The following LHX2 variants were observed in gnomAD, a reference collection of about 807,000 sequenced individuals.
The protein encoded by LHX2 is LIM homeobox 2.
A neutral mutation model predicts 33.0 loss-of-function variants in LHX2; 6 were observed. That is an observed-to-expected ratio of 0.18 (90% CI 0.10 to 0.36). LHX2 has a LOEUF of 0.36. Among genes scored for constraint, LHX2 ranks in the 10% least tolerant of loss-of-function variants. The pLI is 1.00. For missense variants in LHX2, 442 were observed against 586.2 expected (o/e 0.75, Z 2.54); for synonymous variants, 292 against 253.1 (o/e 1.15, Z -1.46).
rs1859155409 is a variant in LHX2 at position 124,014,760 on chromosome 9, C to T, written c.324-362C>T. 6.6e-6 allele frequency among the ~76,000 whole-genome samples: 1 copy of T among 152,070 alleles called. No homozygotes were observed. The highest frequency in any genetic ancestry group is 1.5e-5 in the Non-Finnish European group (1 of 68,024). On this transcript the variant is annotated intron_variant, in intron 2 of 4. Coordinates refer to ENST00000373615, the MANE Select transcript of LHX2 (RefSeq NM_004789.4). The surrounding 1 kb of genome is among the most constrained non-coding windows in gnomAD (Gnocchi z 4.8). ...CTCTTTCCCTGTCTCTGTGTTTCTT[C>T]CAAATTATAAAAGTCAGTAGGATTC...
chr9:124,020,032 C>T (rs1859265407), intron 3 of LHX2, among the ~76,000 whole-genome samples: 1 of 152,184 alleles, frequency 6.6e-6, no homozygotes, highest in Admixed American at 6.5e-5. Context: ...CTCCTCCCTT[C>T]GTGGTGTAGT....
At chr9:124,022,840 C>A (rs1485153601) in intron 4 of LHX2, among the ~76,000 whole-genome samples, 1 of 152,238 alleles carries the variant, frequency 6.6e-6, no homozygotes, top group African/African-American at 2.4e-5. Flanking sequence ...TTGAGCAGCG[C>A]TGCCCACGGG....
At chr9:124,017,103 C>T (rs781248023) in intron 3 of LHX2, among the ~76,000 whole-genome samples, 1 of 152,216 alleles carries the variant, frequency 6.6e-6, no homozygotes, top group South Asian at 2.1e-4. Context: ...TTTGCCCCAG[C>T]GAGGTGGGCT....
chr9:124,028,566 G>A (rs976905580), intron 4 of LHX2, among the ~76,000 whole-genome samples: 9 of 152,192 alleles, frequency 5.9e-5, no homozygotes, highest in African/African-American at 2.2e-4. Flanking sequence ...CCAGAGGTGA[G>A]GGACAAACCC....
chr9:124,025,250 G>A (rs1285906480), intron 4 of LHX2, among the ~76,000 whole-genome samples: 2 of 152,064 alleles, frequency 1.3e-5, no homozygotes, highest in African/African-American at 2.4e-5. Flanking sequence ...AAACCATCCT[G>A]GCTAACACAG....
chr9:124,016,057 C>T lies in LHX2; in HGVS notation c.727+532C>T, dbSNP rs1319267406. On this transcript the variant is annotated intron_variant, in intron 3 of 4. Coordinates refer to ENST00000373615, the MANE Select transcript of LHX2 (RefSeq NM_004789.4). The surrounding 1 kb of genome is among the most constrained non-coding windows in gnomAD (Gnocchi z 4.4). ...CTCGGGCTTGGGGAACTCAGGAAAG[C>T]AAAGGCTGCGGTTCCTTTTGCTCGG... Among the ~76,000 whole-genome samples, 1 of 152,254 alleles carries T rather than the reference C, an allele frequency of 6.6e-6. No individual in the cohort carries two copies. Among genetic ancestry groups the T allele is most frequent in the Non-Finnish European group, 1.5e-5 (1 of 68,046 alleles).
chr9:124,017,103 C>A (rs781248023), intron 3 of LHX2, among the ~76,000 whole-genome samples: 5 of 152,216 alleles, frequency 3.3e-5, no homozygotes, highest in Non-Finnish European at 5.9e-5. Context: ...TTTGCCCCAG[C>A]GAGGTGGGCT....
chr9:124,024,016 T>C (rs1047841384), intron 4 of LHX2, among the ~76,000 whole-genome samples: 3 of 152,194 alleles, frequency 2.0e-5, no homozygotes, highest in African/African-American at 7.2e-5. Flanking sequence ...TCACACTTTA[T>C]AGTTACCTGC....
chr9:124,032,500 C>G lies in LHX2; in HGVS notation c.1014C>G (p.Asp338Glu). Residue 338 changes from aspartate (D) to glutamate (E), a missense_variant, in exon 5 of 5, where the codon GAC becomes GAG. Asp to Glu is a conservative substitution (Grantham distance 45). This residue lies in a region of LHX2 where 109 missense variants were observed against 98.7 expected (regional missense o/e 1.10). Transcript: ENST00000373615. The surrounding 1 kb of genome is among the most constrained non-coding windows in gnomAD (Gnocchi z 4.1). ...QENTGVDKST[D>E]AALQTGTPSG... Reference sequence around the variant, plus strand: ...ACACGGGCGTGGACAAGTCGACAGACGCGGCGCTGCAGACAGGGACGCCAT... The same window carrying G: ...ACACGGGCGTGGACAAGTCGACAGAGGCGGCGCTGCAGACAGGGACGCCAT... 1 of 1,613,044 alleles carries G rather than the reference C, an allele frequency of 6.2e-7. No homozygotes were observed. The highest frequency in any genetic ancestry group is 8.5e-7 in the Non-Finnish European group (1 of 1,179,960).
Position 124,032,330 on chromosome 9 carries a change from C to T in LHX2, c.934-90C>T. On this transcript the variant is annotated intron_variant, in intron 4 of 4. Coordinates refer to ENST00000373615, the MANE Select transcript of LHX2 (RefSeq NM_004789.4). The surrounding 1 kb of genome is among the most constrained non-coding windows in gnomAD (Gnocchi z 4.1). ...CTCTTGGCAAAACACAGATCAGCGT[C>T]CCCAGAGGCAGCAGAGCTCTGAGTG... 7.1e-7 allele frequency: 1 copy of T among 1,406,526 alleles called. No individual in the cohort carries two copies. 87.1% of individuals were successfully genotyped at this position (1,406,526 alleles called of 1,614,324 possible). A position where few individuals can be genotyped will look rare whatever the true frequency, so the allele number is the denominator to read the frequency against.
At position 124,015,376 on chromosome 9, in the gene LHX2, C is replaced by T. The variant is rs1178079328; in HGVS notation, c.578C>T (p.Ala193Val). 5.0e-6 allele frequency: 8 copies of T among 1,609,752 alleles called. No individual in the cohort carries two copies. The Admixed American group carries it at 5.0e-5, about 10-fold the overall frequency. The change falls in exon 3 of 5, where the codon GCC becomes GTC. Residue 193 changes from alanine to valine, a missense_variant. This residue lies in a region of LHX2 where 132 missense variants were observed against 139.1 expected (regional missense o/e 0.95). Transcript: ENST00000373615. This position sits in a 1 kb window ranked among gnomAD's most constrained non-coding sequence, Gnocchi z 7.9. ...GACGTGGCAGCGGCGGCCGCTGCAG[C>T]CGCGGCGGCCAAGAGCGCGGGGCTG... ...HADVAAAAAA[A>V]AAAKSAGLGA... is the part of the protein sequence containing the mutation.
rs949303951 is a variant in LHX2, at chr9:124,016,154, G to T, written c.727+629G>T. Among the ~76,000 whole-genome samples, 1 of 152,180 alleles carries T rather than the reference G, an allele frequency of 6.6e-6. No individual in the cohort carries two copies. Among genetic ancestry groups the T allele is most frequent in the Non-Finnish European group, 1.5e-5 (1 of 68,018 alleles). ...CTCCGAGTTTCCTGGCGCCTGCTGG[G>T]GTGAGGGCCGTGACCCTCGGAAGCG... On this transcript the variant is annotated intron_variant, in intron 3 of 4. Transcript: ENST00000373615. The surrounding 1 kb of genome is among the most constrained non-coding windows in gnomAD (Gnocchi z 4.4).
Position 124,011,777 on chromosome 9 carries a change from G to C in LHX2, c.-572G>C, listed in dbSNP as rs528386437. 5.3e-4 allele frequency: 82 copies of C among 154,204 alleles called. 1 individual carries two copies. The highest frequency in any genetic ancestry group is 3.1e-3 in the Middle Eastern group (1 of 322). 9.6% of individuals were successfully genotyped at this position (154,204 alleles called of 1,614,324 possible). On this transcript the variant is annotated 5_prime_UTR_variant, in exon 1 of 5. Coordinates refer to ENST00000373615, the MANE Select transcript of LHX2 (RefSeq NM_004789.4). The stretch of plus-strand genomic sequence containing the variant: ...CTTCCTCCTCCTCTTCAATTCTCCC[G>C]GTGGCTCGACTCGGCTCGCAGGCTT...
Position 124,032,913 on chromosome 9 carries a change from C to T in LHX2, c.*206C>T. ...AACAACTTGGAAGATCTACCTGCAA[C>T]ACAACATTTGTGTCACTGTACAGTT... On this transcript the variant is annotated 3_prime_UTR_variant, in exon 5 of 5. Coordinates refer to ENST00000373615, the MANE Select transcript of LHX2 (RefSeq NM_004789.4). This position sits in a 1 kb window ranked among gnomAD's most constrained non-coding sequence, Gnocchi z 4.1. 1 of 510,596 alleles carries T rather than the reference C, an allele frequency of 2.0e-6. No homozygotes were observed. The highest frequency in any genetic ancestry group is 3.6e-5 in the South Asian group (1 of 27,950). 31.6% of individuals were successfully genotyped at this position (510,596 alleles called of 1,614,324 possible).
rs888662093 is a variant in LHX2, at chr9:124,014,375, T to G, written c.323+212T>G. ...GGAGCTCTTGGAAAGGTCTACGAAG[T>G]AGGAGAACCAGAAAAAAAGCAGAAG... On this transcript the variant is annotated intron_variant, in intron 2 of 4. Transcript: ENST00000373615. This position sits in a 1 kb window ranked among gnomAD's most constrained non-coding sequence, Gnocchi z 4.8. Among the ~76,000 whole-genome samples the G allele has an allele frequency of 1.3e-5, 2 of 151,690 alleles. No individual in the cohort carries two copies. The highest frequency in any genetic ancestry group is 6.6e-5 in the Admixed American group (1 of 15,250).
At chr9:124,013,437 GT>G (rs1324060980) in intron 1 of LHX2, among the ~76,000 whole-genome samples, 2 of 152,266 alleles carry the variant, frequency 1.3e-5, no homozygotes, top group Non-Finnish European at 2.9e-5. Context: ...GGAGCCAGAA[GT>G]TGGCTGACTT....
At position 124,024,073 on chromosome 9, in the gene LHX2, TTTC is replaced by T. The variant is rs373458748; in HGVS notation, c.933+2775_933+2777del. On this transcript the variant is annotated intron_variant, in intron 4 of 4. Transcript: ENST00000373615. Reference sequence around the variant, plus strand: ...CCTGCCTGATCAATGGACATAGTTCTTTCTTCTTTGAGCCAATCTGGCAATGAC... The same window carrying T: ...CCTGCCTGATCAATGGACATAGTTCTTTCTTTGAGCCAATCTGGCAATGAC... Among the ~76,000 whole-genome samples, 196 of 152,370 alleles carry T rather than the reference TTTC, an allele frequency of 1.3e-3. 12 individuals are homozygous for T. The highest frequency in any genetic ancestry group is 7.3e-4 in the Non-Finnish European group (50 of 68,040).
At position 124,032,659 on chromosome 9, in the gene LHX2, C is replaced by T. The variant is rs371809737; in HGVS notation, c.1173C>T (p.Gly391=). The T allele has an allele frequency of 3.1e-6, 5 of 1,613,322 alleles. No homozygotes were observed. The highest frequency in any genetic ancestry group is 2.2e-5 in the East Asian group (1 of 44,854). ...VLTSVPGNLE[G]HEPHSPSQTT... ...CTTCTGTGCCTGGCAACCTGGAGGG[C>T]CATGAGCCTCACAGCCCCTCACAAA... Residue 391 remains glycine (G), a synonymous_variant, in exon 5 of 5, where the codon GGC becomes GGT. Transcript: ENST00000373615. This position sits in a 1 kb window ranked among gnomAD's most constrained non-coding sequence, Gnocchi z 4.1.
In LHX2 at chr9:124,014,376, A is replaced by C. The variant is rs542376585; in HGVS notation, c.323+213A>C. Among the ~76,000 whole-genome samples the C allele has an allele frequency of 2.6e-5, 4 of 152,080 alleles. No individual in the cohort carries two copies. The highest frequency in any genetic ancestry group is 4.8e-5 in the African/African-American group (2 of 41,386). On this transcript the variant is annotated intron_variant, in intron 2 of 4. Transcript: ENST00000373615. This position sits in a 1 kb window ranked among gnomAD's most constrained non-coding sequence, Gnocchi z 4.8. ...GAGCTCTTGGAAAGGTCTACGAAGT[A>C]GGAGAACCAGAAAAAAAGCAGAAGC...
Sources: gnomAD v4.1 joint callset for allele counts (sites outside exome capture counted in the v4.1 genomes callset) on GRCh38, gnomAD v4.1.1 for gene constraint, gnomAD v4.1.1 regional missense constraint, Gnocchi (gnomAD v3.1) non-coding constraint, MANE v1.5 for transcripts, NCBI Gene and HGNC (gene_info 2026-07-23, HGNC 2026-07-21) for gene names.